The following PCDH7 variants were observed in gnomAD, a reference collection of about 807,000 sequenced individuals.
PCDH7 encodes protocadherin-7.
A neutral mutation model predicts 58.9 loss-of-function variants in PCDH7; 17 were observed. The ratio of observed to expected loss-of-function variants is 0.29; its 90% CI spans 0.20 to 0.43. The LOEUF (loss-of-function observed/expected upper bound fraction) is 0.43. Among genes scored for constraint, PCDH7 ranks in the 20% least tolerant of loss-of-function variants. The pLI is 1.00. For synonymous variants in PCDH7, 664 were observed against 616.4 expected, an observed-to-expected ratio of 1.08 and a Z score of -1.14; for missense variants, 1,274 against 1,441.0, an observed-to-expected ratio of 0.88 and a Z score of 1.88.
intron 3 of PCDH7, among the ~76,000 whole-genome samples, chr4:31,098,737 C>T (rs1027216426): frequency 1.3e-5 from 2 of 152,146 alleles, no homozygotes; most frequent in Non-Finnish European, 2.9e-5. Flanking sequence ...TAGATATGTA[C>T]AGTACATGGC....
At chr4:31,021,868 A>G (rs903495490) in intron 3 of PCDH7, among the ~76,000 whole-genome samples, 4 of 152,174 alleles carry the variant, frequency 2.6e-5, no homozygotes, top group Non-Finnish European at 4.4e-5. Context: ...TCACTGAGGA[A>G]GTTATTTTCT....
At chr4:30,976,123 C>A (rs1440391605) in intron 3 of PCDH7, among the ~76,000 whole-genome samples, 2 of 152,118 alleles carry the variant, frequency 1.3e-5, no homozygotes, top group African/African-American at 2.4e-5. Context: ...GGTTTTATAT[C>A]TACTTTCAAT....
chr4:31,031,439 G>A (rs565099903), intron 3 of PCDH7, among the ~76,000 whole-genome samples: 1 of 152,236 alleles, frequency 6.6e-6, no homozygotes, highest in Non-Finnish European at 1.5e-5. Flanking sequence ...ACAAAAGCAA[G>A]GCTTATGTCC....
At chr4:30,732,288 T>C (rs969929121) in exon 2 of PCDH7, 2 of 152,200 alleles carry the variant, frequency 1.3e-5, no homozygotes, top group African/African-American at 4.8e-5. Context: ...TACCAATCTC[T>C]GCTTCTTGAA....
chr4:31,112,091 G>A (rs1483229950), intron 3 of PCDH7, among the ~76,000 whole-genome samples: 5 of 152,144 alleles, frequency 3.3e-5, no homozygotes, highest in African/African-American at 1.2e-4. Flanking sequence ...CTTGTTAACT[G>A]AGATATTTAT....
At chr4:31,070,528 T>C (rs932053202) in intron 3 of PCDH7, among the ~76,000 whole-genome samples, 2 of 152,208 alleles carry the variant, frequency 1.3e-5, no homozygotes, top group African/African-American at 4.8e-5. Context: ...ACACAGACAT[T>C]TGTGTCTAGA....
intron 3 of PCDH7, among the ~76,000 whole-genome samples, chr4:31,101,048 A>T (rs895510808): frequency 6.6e-6 from 1 of 152,202 alleles, no homozygotes; most frequent in Non-Finnish European, 1.5e-5. Flanking sequence ...AGAGGAAAAA[A>T]AATGTATTTG....
rs13131390 is a variant in PCDH7 at position 31,090,577 on chromosome 4, C to G, written c.*8-51896C>G. On this transcript the variant is annotated intron_variant, in intron 3 of 3. Transcript: ENST00000509759. The stretch of plus-strand genomic sequence containing the variant: ...AACCTTGTAAACTGTCTTTAATATA[C>G]ATGCAAACAAATATTTGTAAAAAGG... Among the ~76,000 whole-genome samples, 7,185 of 152,128 alleles carry G rather than the reference C, an allele frequency of 0.047. 736 individuals are homozygous for G. The East Asian group carries it at 0.48, about 10-fold the overall frequency.
At chr4:30,790,068 C>G (rs1475301756) in intron 1 of PCDH7, among the ~76,000 whole-genome samples, 1 of 152,126 alleles carries the variant, frequency 6.6e-6, no homozygotes, top group Admixed American at 6.5e-5. Context: ...AAAACAAAAT[C>G]CAAAATGTGC....
intron 1 of PCDH7, among the ~76,000 whole-genome samples, chr4:30,841,895 C>T (rs1409227105): frequency 6.6e-6 from 1 of 152,036 alleles, no homozygotes; most frequent in Non-Finnish European, 1.5e-5. Context: ...TCCATTGAGA[C>T]AGATAATCCT....
At chr4:30,743,583 A>G (rs1427714969) in intron 1 of PCDH7, among the ~76,000 whole-genome samples, 1 of 151,634 alleles carries the variant, frequency 6.6e-6, no homozygotes, top group Non-Finnish European at 1.5e-5. Context: ...ATCTTTCTGT[A>G]CTTTTATGAT....
intron 1 of PCDH7, among the ~76,000 whole-genome samples, chr4:30,906,771 C>T (rs1740984513): frequency 6.6e-6 from 1 of 152,008 alleles, no homozygotes; most frequent in Admixed American, 6.6e-5. Flanking sequence ...ACCTGTAATC[C>T]CAGCAGTTAG....
intron 1 of PCDH7, among the ~76,000 whole-genome samples, chr4:30,817,682 T>A (rs1178210228): frequency 6.6e-6 from 1 of 152,062 alleles, no homozygotes; most frequent in Non-Finnish European, 1.5e-5. Flanking sequence ...TTTTTTTTTT[T>A]AGAGGGCTTT....
chr4:31,085,171 T>G (rs1712228428), intron 3 of PCDH7, among the ~76,000 whole-genome samples: 2 of 151,920 alleles, frequency 1.3e-5, no homozygotes, highest in Admixed American at 6.6e-5. Context: ...TGCCGATTGG[T>G]CAGAGATGAA....
At chr4:31,085,688 A>G (rs1025091709) in intron 3 of PCDH7, among the ~76,000 whole-genome samples, 2 of 152,180 alleles carry the variant, frequency 1.3e-5, no homozygotes, top group Admixed American at 6.5e-5. Flanking sequence ...ACAAATATCT[A>G]AACCATCTCA....
intron 1 of PCDH7, among the ~76,000 whole-genome samples, chr4:30,778,854 G>C (rs1722415739): frequency 6.6e-6 from 1 of 151,964 alleles, no homozygotes; most frequent in Non-Finnish European, 1.5e-5. Flanking sequence ...TGGAAATAAA[G>C]AGCCGAATTG....
intron 3 of PCDH7, among the ~76,000 whole-genome samples, chr4:31,122,546 C>T (rs1350295942): frequency 3.3e-5 from 5 of 152,060 alleles, no homozygotes; most frequent in Non-Finnish European, 4.4e-5. Context: ...TTATTTAATG[C>T]ACATTTACTG....
intron 1 of PCDH7, among the ~76,000 whole-genome samples, chr4:30,747,355 G>T (rs943243100): frequency 1.3e-5 from 2 of 151,994 alleles, no homozygotes; most frequent in African/African-American, 4.8e-5. Context: ...TATAATGAAT[G>T]CAGTGTCCGA....
At chr4:30,958,635 ATTAAT>A (rs760515891) in intron 3 of PCDH7, among the ~76,000 whole-genome samples, 1 of 151,984 alleles carries the variant, frequency 6.6e-6, no homozygotes, top group Non-Finnish European at 1.5e-5. Context: ...TTTTAACAAA[ATTAAT>A]TTAATCTGGA....
Sources: allele counts gnomAD v4.1 joint callset (sites outside exome capture counted in the v4.1 genomes callset), GRCh38; gene constraint gnomAD v4.1.1; transcripts MANE v1.5; gene names NCBI Gene and HGNC (gene_info 2026-07-23, HGNC 2026-07-21).